SPATS2: variants seen among roughly 807,000 people sequenced by gnomAD.
SPATS2 encodes spermatogenesis associated serine rich 2, also known as spermatogenesis-associated serine-rich protein 2.
Under a neutral mutation model 63.7 loss-of-function variants are expected in SPATS2, and 38 were observed. That is an observed-to-expected ratio of 0.60 (90% CI 0.46 to 0.78). The LOEUF is 0.78. Ranked by LOEUF, SPATS2 falls within the 30% of genes least tolerant of loss-of-function variation. The pLI is 0.00. For missense variants in SPATS2, 588 were observed against 666.2 expected (o/e 0.88, Z 1.29); for synonymous variants, 207 against 232.9 (o/e 0.89, Z 1.01).
At chr12:49,451,286 TC>T (rs1463629115) in intron 2 of SPATS2, among the ~76,000 whole-genome samples, 1 of 152,182 alleles carries the variant, frequency 6.6e-6, no homozygotes, top group Non-Finnish European at 1.5e-5. Flanking sequence ...ATTGCTTTTG[TC>T]TTTTGTTTTT....
Position 49,525,935 on chromosome 12 carries a change from C to G in SPATS2, c.1327-9C>G, listed in dbSNP as rs754951726. On this transcript the variant is annotated splice_polypyrimidine_tract_variant and intron_variant, in intron 13 of 13. Coordinates refer to ENST00000552918, the MANE Select transcript of SPATS2 (RefSeq NM_023071.4). Reference sequence around the variant, plus strand: ...GAGCACCTTGAACATTGTATTCTTTCATCTTTAGGTATTGCCAGGGAACAG... The same window carrying G: ...GAGCACCTTGAACATTGTATTCTTTGATCTTTAGGTATTGCCAGGGAACAG... 1.1e-5 allele frequency: 18 copies of G among 1,610,488 alleles called. No individual in the cohort carries two copies. The highest frequency in any genetic ancestry group is 1.4e-5 in the Non-Finnish European group (17 of 1,177,798).
intron 2 of SPATS2, among the ~76,000 whole-genome samples, chr12:49,379,678 A>G (rs1944178537): frequency 7.4e-6 from 1 of 135,676 alleles, no homozygotes; most frequent in South Asian, 2.5e-4. Flanking sequence ...GCTGGAGTGC[A>G]GTGGCATGAT....
chr12:49,472,656 T>A (rs1946056226), intron 3 of SPATS2, among the ~76,000 whole-genome samples: 1 of 148,728 alleles, frequency 6.7e-6, no homozygotes, highest in African/African-American at 2.4e-5. Context: ...TATTATATTA[T>A]TCAGTCTCTT....
intron 2 of SPATS2, among the ~76,000 whole-genome samples, chr12:49,446,749 T>C (rs1472495916): frequency 6.6e-6 from 1 of 152,174 alleles, no homozygotes; most frequent in African/African-American, 2.4e-5. Context: ...TCCAGACTAA[T>C]CTCCTTATTT....
In SPATS2 at chr12:49,526,010, A is replaced by G. The variant is rs1947027249; in HGVS notation, c.1393A>G (p.Met465Val). The change falls in exon 14 of 14, where the codon ATG becomes GTG. Residue 465 changes from methionine to valine, a missense_variant. Physicochemically the swap from Met to Val is conservative, Grantham distance 21. Transcript: ENST00000552918. ...ACAAGGCCAAAAGTCCAATGACCCC[A>G]TGAACCAAGGGCGGCATGACAGTAT... ...RPQGQKSNDP[M>V]NQGRHDSMGR... The G allele has an allele frequency of 3.7e-6, 6 of 1,614,150 alleles. No individual in the cohort carries two copies. The highest frequency in any genetic ancestry group is 1.7e-5 in the Admixed American group (1 of 60,014).
intron 3 of SPATS2, among the ~76,000 whole-genome samples, chr12:49,469,336 G>A (rs529928410): frequency 1.4e-5 from 2 of 142,154 alleles, no homozygotes; most frequent in African/African-American, 2.7e-5. Context: ...GTTGCAGTGA[G>A]CCGAAATTGC....
chr12:49,516,033 G>A (rs1438559611), intron 10 of SPATS2, among the ~76,000 whole-genome samples: 7 of 149,316 alleles, frequency 4.7e-5, no homozygotes, highest in Non-Finnish European at 1.0e-4. Context: ...CCAGCTACTC[G>A]GGAGGCTGAG....
At chr12:49,517,253 T>C (rs1437953407) in intron 10 of SPATS2, among the ~76,000 whole-genome samples, 3 of 152,230 alleles carry the variant, frequency 2.0e-5, no homozygotes, top group Admixed American at 6.5e-5. Flanking sequence ...AAGAAACTTT[T>C]GTAGGCATGC....
chr12:49,404,983 A>AT (rs59746061), intron 2 of SPATS2, among the ~76,000 whole-genome samples: 19,677 of 145,776 alleles, frequency 0.13, 1,580 homozygotes, highest in African/African-American at 0.23. Context: ...AACCATGCTC[A>AT]TTTTTTTTTT....
chr12:49,384,218 G>A (rs759284934), intron 2 of SPATS2, among the ~76,000 whole-genome samples: 8 of 152,130 alleles, frequency 5.3e-5, no homozygotes, highest in Admixed American at 2.6e-4. Context: ...TTCTTGCCTC[G>A]GCCTCCCAAA....
intron 3 of SPATS2, among the ~76,000 whole-genome samples, chr12:49,478,821 C>T (rs1015177910): frequency 2.6e-5 from 4 of 152,130 alleles, no homozygotes; most frequent in Admixed American, 6.5e-5. Flanking sequence ...CCAGTGATGC[C>T]TTTGCCTGAG....
chr12:49,387,196 G>C (rs1458828475), intron 2 of SPATS2: 3 of 152,216 alleles, frequency 2.0e-5, no homozygotes, highest in Admixed American at 2.0e-4. Context: ...GGCCCCAGAG[G>C]AGAACCGGCT....
At chr12:49,386,269 G>A (rs111487416) in intron 2 of SPATS2, among the ~76,000 whole-genome samples, 14,022 of 151,942 alleles carry the variant, frequency 0.092, 753 homozygotes, top group African/African-American at 0.14. Context: ...GGTTCAAGCC[G>A]TTCTCCTGCC....
intron 3 of SPATS2, among the ~76,000 whole-genome samples, chr12:49,467,044 GTTTTTTTTTTTTTT>G (rs59350335): frequency 2.6e-5 from 2 of 75,778 alleles, no homozygotes; most frequent in Admixed American, 2.8e-4. Context: ...TTTGTTCTTT[GTTTTTTTTTTTTTT>G]TTTTTTTTTT....
At chr12:49,370,816 T>A (rs563296301) in intron 1 of SPATS2, among the ~76,000 whole-genome samples, 1 of 152,222 alleles carries the variant, frequency 6.6e-6, no homozygotes, top group East Asian at 1.9e-4. Context: ...AGGATCTCAC[T>A]CTGTCGCCCA....
intron 7 of SPATS2, among the ~76,000 whole-genome samples, chr12:49,495,554 G>A (rs965620947): frequency 1.3e-5 from 2 of 152,076 alleles, no homozygotes; most frequent in Non-Finnish European, 2.9e-5. Flanking sequence ...CAGTTTTGTG[G>A]AAATCATCTA....
intron 2 of SPATS2, among the ~76,000 whole-genome samples, chr12:49,412,743 G>A (rs965392496): frequency 1.3e-4 from 16 of 121,250 alleles, no homozygotes; most frequent in South Asian, 4.3e-4. Context: ...AGAGTGAGAC[G>A]CTCATTCTAA....
chr12:49,517,752 G>A (rs1409030422), intron 10 of SPATS2, among the ~76,000 whole-genome samples: 1 of 152,112 alleles, frequency 6.6e-6, no homozygotes, highest in African/African-American at 2.4e-5. Flanking sequence ...TGCCCTTTGA[G>A]TTCTGCTTAT....
intron 2 of SPATS2, among the ~76,000 whole-genome samples, chr12:49,431,395 C>T (rs1239999732): frequency 3.9e-5 from 6 of 152,074 alleles, no homozygotes; most frequent in South Asian, 2.1e-4. Flanking sequence ...ACTACAGGCA[C>T]GCGCCACCAC....
Sources: gnomAD v4.1 joint callset for allele counts (sites outside exome capture counted in the v4.1 genomes callset) on GRCh38, gnomAD v4.1.1 for gene constraint, MANE v1.5 for transcripts, NCBI Gene and HGNC (gene_info 2026-07-23, HGNC 2026-07-21) for gene names.